Variants in CDH13 observed in about 807,000 individuals in gnomAD.
CDH13 encodes the protein cadherin 13, also known as cadherin-13.
A neutral mutation model predicts 63.8 loss-of-function variants in CDH13; 24 were observed. The observed-to-expected ratio is 0.38, with a 90% confidence interval of 0.27 to 0.53. The LOEUF (loss-of-function observed/expected upper bound fraction) is 0.53, where lower values mean the gene tolerates loss of function less well. Among genes scored for constraint, CDH13 ranks in the 20% least tolerant of loss-of-function variants. CDH13 has a pLI of 0.85. For synonymous variants in CDH13, 503 were observed against 355.3 expected (o/e 1.42, Z -4.67); for missense variants, 1,049 against 903.1 (o/e 1.16, Z -2.07).
intron 3 of CDH13, among the ~76,000 whole-genome samples, chr16:83,082,291 T>G (rs2033305525): frequency 6.6e-6 from 1 of 152,136 alleles, no homozygotes; most frequent in Non-Finnish European, 1.5e-5. Flanking sequence ...AAGTCTTAAC[T>G]CGTTCCAGCA....
intron 6 of CDH13, among the ~76,000 whole-genome samples, chr16:83,477,559 CA>C (rs1299610360): frequency 2.0e-5 from 3 of 152,150 alleles, no homozygotes; most frequent in African/African-American, 7.2e-5. Context: ...TGCTCTCCCA[CA>C]GGGTGAGATC....
chr16:83,588,663 C>T (rs796613429), intron 7 of CDH13, among the ~76,000 whole-genome samples: 25 of 152,190 alleles, frequency 1.6e-4, no homozygotes, highest in African/African-American at 5.6e-4. Context: ...GAAGCTTCTC[C>T]GGTACTTGAT....
chr16:83,443,311 G>A (rs1567675822), intron 6 of CDH13, among the ~76,000 whole-genome samples: 1 of 152,154 alleles, frequency 6.6e-6, no homozygotes. Context: ...TCCGCAACAG[G>A]TGTTCAGGTA....
chr16:83,731,495 A>G (rs1911040874), intron 10 of CDH13, among the ~76,000 whole-genome samples: 1 of 152,198 alleles, frequency 6.6e-6, no homozygotes, highest in Admixed American at 6.5e-5. Flanking sequence ...GTCTTTGACC[A>G]TTTTGTAATG....
intron 3 of CDH13, among the ~76,000 whole-genome samples, chr16:83,097,770 TC>T (rs1227186117): frequency 6.6e-6 from 1 of 152,184 alleles, no homozygotes; most frequent in African/African-American, 2.4e-5. Context: ...AGTAGATGAT[TC>T]CAGTACAAAA....
rs887486381 is a variant in CDH13 at position 83,616,679 on chromosome 16, A to G, written c.1101+14085A>G. ...AATGCAGTGTGCAGAATGAGAACAC[A>G]GGAGTTCAGAAATAGAAAGCCAAGA... On this transcript the variant is annotated intron_variant, in intron 8 of 13. Coordinates refer to ENST00000567109, the MANE Select transcript of CDH13 (RefSeq NM_001257.5). Among the ~76,000 whole-genome samples the G allele has an allele frequency of 8.5e-5, 13 of 152,328 alleles. No homozygotes were observed. In the South Asian group the frequency reaches 2.5e-3, roughly 29 times the overall value.
intron 6 of CDH13, among the ~76,000 whole-genome samples, chr16:83,399,182 C>T (rs1040982545): frequency 1.3e-5 from 2 of 152,168 alleles, no homozygotes; most frequent in Admixed American, 6.5e-5. Flanking sequence ...GAACATGCTC[C>T]TTTTTTGGCT....
At chr16:83,544,333 A>T (rs2075345034) in intron 7 of CDH13, among the ~76,000 whole-genome samples, 1 of 152,068 alleles carries the variant, frequency 6.6e-6, no homozygotes, top group Non-Finnish European at 1.5e-5. Context: ...TTCCATTCAG[A>T]TTCCTGCTCC....
At chr16:83,012,095 A>G (rs1914220780) in intron 2 of CDH13, among the ~76,000 whole-genome samples, 1 of 152,182 alleles carries the variant, frequency 6.6e-6, no homozygotes, top group Non-Finnish European at 1.5e-5. Flanking sequence ...CTCATTGGTG[A>G]TACACTGGCT....
chr16:83,282,544 C>T (rs771551459), intron 5 of CDH13, among the ~76,000 whole-genome samples: 1 of 152,064 alleles, frequency 6.6e-6, no homozygotes, highest in African/African-American at 2.4e-5. Context: ...AAACCCCTGT[C>T]TATTTGGGAG....
intron 4 of CDH13, among the ~76,000 whole-genome samples, chr16:83,184,452 T>C (rs1011160642): frequency 2.0e-5 from 3 of 152,116 alleles, no homozygotes; most frequent in Non-Finnish European, 4.4e-5. Context: ...TACCAAGGCT[T>C]GACGTAGATG....
intron 5 of CDH13, among the ~76,000 whole-genome samples, chr16:83,315,884 TA>T (rs2090094971): frequency 6.6e-6 from 1 of 152,214 alleles, no homozygotes; most frequent in East Asian, 1.9e-4. Context: ...ATAGGGAGGT[TA>T]ATATATGGGA....
chr16:83,013,714 T>C (rs750448472), intron 2 of CDH13, among the ~76,000 whole-genome samples: 41 of 152,222 alleles, frequency 2.7e-4, no homozygotes, highest in Non-Finnish European at 4.4e-5. Flanking sequence ...CACAAAAGTC[T>C]GATTCATTTA....
intron 6 of CDH13, among the ~76,000 whole-genome samples, chr16:83,457,527 C>T (rs542747731): frequency 6.6e-6 from 1 of 152,224 alleles, no homozygotes; most frequent in East Asian, 1.9e-4. Flanking sequence ...CACATGGATC[C>T]TCAATAAATC....
chr16:83,358,450 G>A (rs142569113), intron 6 of CDH13, among the ~76,000 whole-genome samples: 17 of 152,224 alleles, frequency 1.1e-4, no homozygotes, highest in African/African-American at 3.6e-4. Flanking sequence ...TGTTGCCTGC[G>A]GAATGCCATG....
chr16:83,116,018 C>T (rs995314174), intron 3 of CDH13, among the ~76,000 whole-genome samples: 2 of 152,208 alleles, frequency 1.3e-5, no homozygotes, highest in East Asian at 1.9e-4. Context: ...AGGATCATTC[C>T]TCTCAAATCT....
rs1325672266 is a variant in CDH13, at chr16:82,963,566, C to T, written c.158-68444C>T. Among the ~76,000 whole-genome samples the T allele has an allele frequency of 2.6e-5, 4 of 152,092 alleles. No individual in the cohort carries two copies. In the East Asian group the frequency reaches 7.7e-4, roughly 29 times the overall value. ...TACATTTTCCCATAGTCTGTCTTCC[C>T]CTTATATAACTGTCATTATATAACT... On this transcript the variant is annotated intron_variant, in intron 2 of 13. Transcript: ENST00000567109.
chr16:82,663,570 C>G (rs1325293293), intron 1 of CDH13, among the ~76,000 whole-genome samples: 1 of 152,186 alleles, frequency 6.6e-6, no homozygotes, highest in African/African-American at 2.4e-5. Context: ...CCCATTTGTC[C>G]TGTCTTTGTC....
At chr16:83,408,433 TTGCC>T (rs1567652179) in intron 6 of CDH13, among the ~76,000 whole-genome samples, 1 of 152,224 alleles carries the variant, frequency 6.6e-6, no homozygotes, top group Non-Finnish European at 1.5e-5. Flanking sequence ...CTGTATGACA[TTGCC>T]TCTTGCGCCT....
Sources: allele counts gnomAD v4.1 joint callset (sites outside exome capture counted in the v4.1 genomes callset), GRCh38; gene constraint gnomAD v4.1.1; transcripts MANE v1.5; gene names NCBI Gene and HGNC (gene_info 2026-07-23, HGNC 2026-07-21).